The following PRR16 variants were observed in gnomAD, a reference collection of about 807,000 sequenced individuals.
PRR16 encodes the protein proline rich 16.
A neutral mutation model predicts 18.2 loss-of-function variants in PRR16; 6 were observed. The ratio of observed to expected loss-of-function variants is 0.33; its 90% CI spans 0.18 to 0.65. The LOEUF (loss-of-function observed/expected upper bound fraction) is 0.65. PRR16 is among the 30% of genes least tolerant of loss of function. The pLI, the probability that PRR16 is intolerant of heterozygous loss-of-function variation, is 0.74. For synonymous variants in PRR16, 151 were observed against 147.8 expected (o/e 1.02, Z -0.16); for missense variants, 412 against 376.6 (o/e 1.09, Z -0.78).
chr5:120,781,078 ATAATTAT>A, the PRR16 span: 1 of 152,202 alleles, frequency 6.6e-6, no homozygotes, highest in African/African-American at 2.4e-5. Flanking sequence ...TCTAATTTTC[ATAATTAT>A]TAAATATTAT....
At chr5:120,628,007 T>C (rs932187655) in intron 1 of PRR16, among the ~76,000 whole-genome samples, 1 of 152,132 alleles carries the variant, frequency 6.6e-6, no homozygotes. Flanking sequence ...TTGTCCTTAC[T>C]CTGGTGAATG....
chr5:120,555,829 T>TA (rs367985792), intron 1 of PRR16, among the ~76,000 whole-genome samples: 63,977 of 137,884 alleles, frequency 0.46, 14,960 homozygotes, highest in Middle Eastern at 0.56. Flanking sequence ...TTTGAGTTTC[T>TA]AAAAAAAAAA....
chr5:120,546,568 T>C (rs183420112), intron 1 of PRR16, among the ~76,000 whole-genome samples: 1 of 152,240 alleles, frequency 6.6e-6, no homozygotes, highest in African/African-American at 2.4e-5. Context: ...CATGTCAGTG[T>C]TTAACTTGAG....
chr5:120,691,929 T>C (rs144658522), downstream of PRR16, among the ~76,000 whole-genome samples: 1 of 152,342 alleles, frequency 6.6e-6, no homozygotes, highest in African/African-American at 2.4e-5. Context: ...ACATCTTCTT[T>C]TCCTTCATAA....
the PRR16 span, among the ~76,000 whole-genome samples, chr5:120,724,031 T>C: frequency 6.6e-6 from 1 of 151,674 alleles, no homozygotes; most frequent in African/African-American, 2.4e-5. Context: ...CTGTTTGCAA[T>C]ATTTTCTTCC....
At chr5:120,542,871 C>A (rs954515557) in intron 1 of PRR16, among the ~76,000 whole-genome samples, 2 of 152,026 alleles carry the variant, frequency 1.3e-5, no homozygotes, top group Non-Finnish European at 2.9e-5. Context: ...AGCAGTCATT[C>A]TTTAAAGAAT....
chr5:120,778,501 G>A, the PRR16 span, among the ~76,000 whole-genome samples: 2 of 152,176 alleles, frequency 1.3e-5, no homozygotes, highest in Admixed American at 6.5e-5. Context: ...TGAGTACAAT[G>A]TTTTAAAAAA....
intron 1 of PRR16, among the ~76,000 whole-genome samples, chr5:120,595,032 T>C (rs1753755571): frequency 6.6e-6 from 1 of 151,694 alleles, no homozygotes; most frequent in African/African-American, 2.4e-5. Flanking sequence ...AATATAATTC[T>C]GAACATAGGA....
At chr5:120,553,489 T>G (rs1752320481) in intron 1 of PRR16, among the ~76,000 whole-genome samples, 2 of 151,938 alleles carry the variant, frequency 1.3e-5, no homozygotes, top group African/African-American at 4.8e-5. Flanking sequence ...TATCTTTATT[T>G]TCAAGGTAAA....
At chr5:120,472,612 T>G (rs1486173393) in intron 1 of PRR16, among the ~76,000 whole-genome samples, 2 of 152,092 alleles carry the variant, frequency 1.3e-5, no homozygotes, top group Non-Finnish European at 1.5e-5. Flanking sequence ...TTTTAGAAAT[T>G]TTAGCTAATT....
chr5:120,551,794 C>T (rs1580715774), intron 1 of PRR16, among the ~76,000 whole-genome samples: 1 of 151,894 alleles, frequency 6.6e-6, no homozygotes, highest in East Asian at 1.9e-4. Flanking sequence ...TTGCTTGGCT[C>T]ACTAGAGAGA....
intron 1 of PRR16, among the ~76,000 whole-genome samples, chr5:120,615,253 G>C (rs1754467156): frequency 6.6e-6 from 1 of 152,072 alleles, no homozygotes; most frequent in African/African-American, 2.4e-5. Context: ...TAATGAGTCT[G>C]ATTATAGAAA....
intron 1 of PRR16, among the ~76,000 whole-genome samples, chr5:120,544,512 A>T (rs868720806): frequency 6.6e-6 from 1 of 152,124 alleles, no homozygotes; most frequent in African/African-American, 2.4e-5. Flanking sequence ...ATGTGTATGC[A>T]TGTGTGTATA....
chr5:120,501,716 G>A (rs1750459838), intron 1 of PRR16, among the ~76,000 whole-genome samples: 1 of 151,960 alleles, frequency 6.6e-6, no homozygotes, highest in African/African-American at 2.4e-5. Context: ...CAGCACTTTG[G>A]GAGGCTGAGG....
At chr5:120,674,920 A>AT (rs1216739017) in intron 1 of PRR16, among the ~76,000 whole-genome samples, 2 of 151,590 alleles carry the variant, frequency 1.3e-5, no homozygotes, top group East Asian at 1.9e-4. Flanking sequence ...TTATATTCCA[A>AT]TTTTTTTATT....
At position 120,464,778 on chromosome 5, in the gene PRR16, T is replaced by C. The variant is rs148790959; in HGVS notation, c.159+133T>C. On this transcript the variant is annotated intron_variant, in intron 1 of 1. Coordinates refer to ENST00000407149, the MANE Select transcript of PRR16 (RefSeq NM_001300783.2). ...ACAGAAAAGGCGCCTGCAGACGGAC[T>C]TTCTTTGCTCCTGGAGTCCTGAGAG... 1.9e-3 allele frequency: 1,848 copies of C among 968,880 alleles called. 15 individuals carry two copies. In the African/African-American group the frequency reaches 0.025, roughly 13 times the overall value. The allele number at this position is 968,880 out of a possible 1,614,324, so 60.0% of individuals were successfully genotyped here. A position where few individuals can be genotyped will look rare whatever the true frequency, so the allele number is the denominator to read the frequency against.
chr5:120,546,629 A>G (rs2112691860), intron 1 of PRR16, among the ~76,000 whole-genome samples: 1 of 152,250 alleles, frequency 6.6e-6, no homozygotes, highest in South Asian at 2.1e-4. Context: ...TGCTGAAGTA[A>G]AAGCACACAG....
chr5:120,776,131 T>G, the PRR16 span, among the ~76,000 whole-genome samples: 13 of 152,152 alleles, frequency 8.5e-5, no homozygotes, highest in Admixed American at 4.6e-4. Context: ...AGGGGCTAAC[T>G]ACATTGATTT....
At chr5:120,676,859 A>G (rs1030032105) in intron 1 of PRR16, among the ~76,000 whole-genome samples, 15 of 152,196 alleles carry the variant, frequency 9.9e-5, no homozygotes, top group African/African-American at 3.6e-4. Flanking sequence ...CGACTTTTTC[A>G]TAATGGACAT....
Sources: gnomAD v4.1 joint callset for allele counts (sites outside exome capture counted in the v4.1 genomes callset) on GRCh38, gnomAD v4.1.1 for gene constraint, MANE v1.5 for transcripts, NCBI Gene and HGNC (gene_info 2026-07-23, HGNC 2026-07-21) for gene names.